Variants in KYNU observed in about 807,000 individuals in gnomAD.
KYNU encodes L-kynurenine hydrolase.
A neutral mutation model predicts 59.2 loss-of-function variants in KYNU; 54 were observed. That is an observed-to-expected ratio of 0.91 (90% CI 0.73 to 1.14). KYNU has a LOEUF of 1.14. Among genes scored for constraint, KYNU ranks in the 50% most tolerant of loss-of-function variants. The pLI, the probability that KYNU is intolerant of heterozygous loss-of-function variation, is 0.00. For synonymous variants in KYNU, 177 were observed against 192.0 expected (o/e 0.92, Z 0.65); for missense variants, 567 against 554.4 (o/e 1.02, Z -0.23).
At position 142,924,497 on chromosome 2, in the gene KYNU, C is replaced by T. The variant is rs139006544; in HGVS notation, c.291-3162C>T. ...CAGCCCATGAAATTGTAATTATTTA[C>T]TTATGGAAGGAAGCTTTCTAAAAAC... is the stretch of plus-strand genomic sequence containing the variant. On this transcript the variant is annotated intron_variant, in intron 3 of 13. Transcript: ENST00000264170. Among the ~76,000 whole-genome samples the T allele has an allele frequency of 5.9e-5, 9 of 152,214 alleles. No individual in the cohort carries two copies. The East Asian group carries it at 7.7e-4, about 13-fold the overall frequency.
intron 10 of KYNU, chr2:142,989,286 G>T: frequency 1.4e-6 from 1 of 690,872 alleles, no homozygotes; most frequent in Non-Finnish European, 1.8e-6. Flanking sequence ...TCCACGATTA[G>T]CTGGTTTAAC....
rs1199014296 is a variant in KYNU at position 142,889,890 on chromosome 2, A to G, written c.169+4354A>G. 2.6e-5 allele frequency among the ~76,000 whole-genome samples: 4 copies of G among 151,898 alleles called. No homozygotes were observed. In the East Asian group the frequency reaches 5.8e-4, roughly 22 times the overall value. ...CTCCCAATATGAGATTTTTTTTTTT[A>G]ATCTTGAAGAAAGTCTACAGGCATA... On this transcript the variant is annotated intron_variant, in intron 2 of 13. Coordinates refer to ENST00000264170, the MANE Select transcript of KYNU (RefSeq NM_003937.3).
Position 143,054,511 on chromosome 2 carries a change from A to T in KYNU, c.*12339A>T, listed in dbSNP as rs1198522806. On this transcript the variant is annotated 3_prime_UTR_variant, in exon 14 of 14. Coordinates refer to ENST00000264170, the MANE Select transcript of KYNU (RefSeq NM_003937.3). ...AAAACTATTAATATATAGTGGAGGC[A>T]TCACGTTGTTATGAACTTCATTGAT... The T allele has an allele frequency of 6.6e-6, 1 of 152,216 alleles. No homozygotes were observed. The highest frequency in any genetic ancestry group is 2.4e-5 in the African/African-American group (1 of 41,452). The allele number at this position is 152,216 out of a possible 1,614,324, so 9.4% of individuals were successfully genotyped here.
At chr2:142,969,567 A>G (rs1433415749) in intron 8 of KYNU, among the ~76,000 whole-genome samples, 1 of 152,216 alleles carries the variant, frequency 6.6e-6, no homozygotes, top group Admixed American at 6.5e-5. Flanking sequence ...AGAAGTCTTC[A>G]TCAGGTGTTT....
chr2:142,951,101 C>A (rs1683975181), intron 4 of KYNU, among the ~76,000 whole-genome samples: 1 of 152,150 alleles, frequency 6.6e-6, no homozygotes, highest in African/African-American at 2.4e-5. Context: ...CATCAAAGAT[C>A]ATTGATCACG....
intron 10 of KYNU, among the ~76,000 whole-genome samples, chr2:143,016,037 T>C (rs1392624853): frequency 2.0e-5 from 3 of 152,250 alleles, no homozygotes; most frequent in African/African-American, 4.8e-5. Context: ...ATCTGTCCTT[T>C]AGCTGCAAGT....
At chr2:142,967,092 A>T (rs974002114) in intron 8 of KYNU, among the ~76,000 whole-genome samples, 2 of 152,150 alleles carry the variant, frequency 1.3e-5, no homozygotes, top group African/African-American at 4.8e-5. Context: ...TCTTATTTTT[A>T]AAAAACTCAG....
intron 11 of KYNU, among the ~76,000 whole-genome samples, chr2:143,029,968 G>A (rs1686695766): frequency 6.6e-6 from 1 of 152,172 alleles, no homozygotes; most frequent in South Asian, 2.1e-4. Context: ...CTGAAACACT[G>A]GGCATGGAGG....
At chr2:143,022,719 TG>T (rs1686443016) in intron 10 of KYNU, among the ~76,000 whole-genome samples, 1 of 152,020 alleles carries the variant, frequency 6.6e-6, no homozygotes, top group African/African-American at 2.4e-5. Flanking sequence ...TGTTCCTTGC[TG>T]GGATTAGGAT....
At chr2:142,899,175 G>A (rs1288466110) in intron 2 of KYNU, among the ~76,000 whole-genome samples, 3 of 152,096 alleles carry the variant, frequency 2.0e-5, no homozygotes, top group African/African-American at 7.2e-5. Flanking sequence ...GCAGTTGCAA[G>A]ATTTAATAGA....
At position 143,048,243 on chromosome 2, in the gene KYNU, A is replaced by G. The variant is rs929522112; in HGVS notation, c.*6071A>G. 3.6e-4 allele frequency: 54 copies of G among 151,796 alleles called. No individual in the cohort carries two copies. Among genetic ancestry groups the G allele is most frequent in the African/African-American group, 1.3e-3 (54 of 41,374 alleles). 9.4% of individuals were successfully genotyped at this position (151,796 alleles called of 1,614,324 possible). ...TGTATTGAGTCCGTTTTTTCTTTCT[A>G]TTTGTGTGGAAATTATACACTTATT... On this transcript the variant is annotated 3_prime_UTR_variant, in exon 14 of 14. Transcript: ENST00000264170.
intron 10 of KYNU, among the ~76,000 whole-genome samples, chr2:143,027,191 A>T (rs1686600978): frequency 6.6e-6 from 1 of 152,168 alleles, no homozygotes; most frequent in African/African-American, 2.4e-5. Flanking sequence ...GTGTAATCCA[A>T]ATAGTGTAAT....
At chr2:142,878,366 G>A (rs976914048) in intron 1 of KYNU, among the ~76,000 whole-genome samples, 1 of 152,086 alleles carries the variant, frequency 6.6e-6, no homozygotes, top group Admixed American at 6.6e-5. Context: ...TGTTCAGCAA[G>A]TAATTCATAT....
chr2:143,006,473 T>A (rs1685901684), intron 10 of KYNU, among the ~76,000 whole-genome samples: 1 of 142,094 alleles, frequency 7.0e-6, no homozygotes, highest in Admixed American at 7.0e-5. Context: ...GCAGCGAGGC[T>A]GGGGGAGGGG....
chr2:143,025,453 C>T (rs1162000776), intron 10 of KYNU, among the ~76,000 whole-genome samples: 3 of 152,106 alleles, frequency 2.0e-5, no homozygotes, highest in African/African-American at 4.8e-5. Flanking sequence ...CTCACTACTT[C>T]CATCCCTTAG....
chr2:142,913,473 G>A (rs1332592046), intron 2 of KYNU, among the ~76,000 whole-genome samples: 2 of 152,112 alleles, frequency 1.3e-5, no homozygotes, highest in Non-Finnish European at 2.9e-5. Context: ...TCAGGAGTAA[G>A]TTGCTTAATT....
At chr2:143,006,985 TA>T (rs200199181) in intron 10 of KYNU, among the ~76,000 whole-genome samples, 4,080 of 152,110 alleles carry the variant, frequency 0.027, 181 homozygotes, top group African/African-American at 0.094. Context: ...CTGGAAACTC[TA>T]AAACGCAGAG....
At chr2:142,884,244 C>T (rs1243570684) in intron 1 of KYNU, among the ~76,000 whole-genome samples, 1 of 152,192 alleles carries the variant, frequency 6.6e-6, no homozygotes, top group Non-Finnish European at 1.5e-5. Flanking sequence ...TAATTACTAA[C>T]AGCAGCAGGT....
chr2:142,881,904 CTTTTCTT>C (rs1363173628), intron 1 of KYNU, among the ~76,000 whole-genome samples: 3 of 127,076 alleles, frequency 2.4e-5, no homozygotes, highest in Admixed American at 8.4e-5. Context: ...CCTGGCTTTT[CTTTTCTT>C]TTTTCTTTTT....
Sources: gnomAD v4.1 joint callset for allele counts (sites outside exome capture counted in the v4.1 genomes callset) on GRCh38, gnomAD v4.1.1 for gene constraint, MANE v1.5 for transcripts, NCBI Gene and HGNC (gene_info 2026-07-23, HGNC 2026-07-21) for gene names.